Variants in ADGRD1 observed in about 807,000 individuals in gnomAD.
The protein encoded by ADGRD1 is adhesion G protein-coupled receptor D1.
ADGRD1 carries 77 observed loss-of-function variants against 113.4 expected under a neutral mutation model. That is an observed-to-expected ratio of 0.68 (90% CI 0.57 to 0.82). The LOEUF (loss-of-function observed/expected upper bound fraction) is 0.82, where lower values mean the gene tolerates loss of function less well. Ranked by LOEUF, ADGRD1 falls within the 40% of genes least tolerant of loss-of-function variation. The pLI is 0.00. For missense variants in ADGRD1, 1,036 were observed against 1,139.1 expected (o/e 0.91, Z 1.30); for synonymous variants, 474 against 475.0 (o/e 1.00, Z 0.03).
intron 18 of ADGRD1, among the ~76,000 whole-genome samples, chr12:131,114,559 C>T (rs1950418901): frequency 6.6e-6 from 1 of 151,946 alleles, no homozygotes; most frequent in Non-Finnish European, 1.5e-5. Flanking sequence ...AAGCTGAAGT[C>T]GGGGGGGTCT....
At chr12:131,055,071 A>G (rs973560240) in intron 13 of ADGRD1, among the ~76,000 whole-genome samples, 1 of 152,186 alleles carries the variant, frequency 6.6e-6, no homozygotes, top group Non-Finnish European at 1.5e-5. Context: ...ACTTGGCCAT[A>G]TCTTTTTAGT....
intron 4 of ADGRD1, among the ~76,000 whole-genome samples, chr12:130,979,251 C>T (rs1374944282): frequency 6.6e-6 from 1 of 152,236 alleles, no homozygotes; most frequent in Non-Finnish European, 1.5e-5. Context: ...CGTAGCCTCT[C>T]AGAGGTCCAG....
intron 13 of ADGRD1, chr12:131,023,892 A>G (rs1265694811): frequency 6.6e-6 from 1 of 152,176 alleles, no homozygotes; most frequent in Non-Finnish European, 1.5e-5. Flanking sequence ...TTGAGGGGCA[A>G]TGAAGTGACA....
chr12:131,102,389 C>G (rs970152099), intron 15 of ADGRD1, among the ~76,000 whole-genome samples: 2 of 152,218 alleles, frequency 1.3e-5, no homozygotes, highest in African/African-American at 4.8e-5. Context: ...CAAACATACT[C>G]GGCAGGTGAC....
intron 11 of ADGRD1, among the ~76,000 whole-genome samples, chr12:131,005,556 C>T (rs181211241): frequency 9.9e-5 from 15 of 152,248 alleles, no homozygotes; most frequent in African/African-American, 3.4e-4. Context: ...GGAGGGCAGA[C>T]GGGATGCACT....
intron 8 of ADGRD1, among the ~76,000 whole-genome samples, chr12:130,995,400 T>C (rs949007719): frequency 6.6e-6 from 1 of 152,242 alleles, no homozygotes; most frequent in Admixed American, 6.5e-5. Context: ...CAGGAAACAC[T>C]TTCTTTTTAA....
At chr12:131,008,251 G>A (rs1268919305) in intron 12 of ADGRD1, among the ~76,000 whole-genome samples, 1 of 152,222 alleles carries the variant, frequency 6.6e-6, no homozygotes, top group Non-Finnish European at 1.5e-5. Flanking sequence ...TCAAATCCTG[G>A]GCACGATGAG....
At chr12:130,973,621 T>C (rs544696085) in intron 4 of ADGRD1, among the ~76,000 whole-genome samples, 44 of 152,294 alleles carry the variant, frequency 2.9e-4, no homozygotes, top group Middle Eastern at 3.4e-3. Context: ...CTTGGTCTAA[T>C]CCCAAACATG....
chr12:131,129,118 G>A (rs113482656), intron 20 of ADGRD1, among the ~76,000 whole-genome samples: 6,885 of 102,036 alleles, frequency 0.067, 39 homozygotes, highest in Middle Eastern at 0.085. Context: ...GTGACAGGCC[G>A]GCCCTGCTGT....
rs543553094 is a variant in ADGRD1, at chr12:131,033,191, G to A, written c.1473+18851G>A. Among the ~76,000 whole-genome samples, 10 of 152,240 alleles carry A rather than the reference G, an allele frequency of 6.6e-5. 1 individual carries two copies. The South Asian group carries it at 1.2e-3, about 19-fold the overall frequency. On this transcript the variant is annotated intron_variant, in intron 13 of 24. Coordinates refer to ENST00000261654, the MANE Select transcript of ADGRD1 (RefSeq NM_198827.5). ...CCCTGCCCGAGCTCTTTTTTTGTGCGGGCAGGGCCGTTGGGTGGGTCCCCT... is the reference window on the plus strand; with the variant it reads ...CCCTGCCCGAGCTCTTTTTTTGTGCAGGCAGGGCCGTTGGGTGGGTCCCCT...
chr12:131,133,980 C>T (rs1196414520), intron 21 of ADGRD1, among the ~76,000 whole-genome samples: 1 of 152,196 alleles, frequency 6.6e-6, no homozygotes, highest in African/African-American at 2.4e-5. Flanking sequence ...CCCTGCCACC[C>T]CCCTACCCCA....
intron 15 of ADGRD1, among the ~76,000 whole-genome samples, chr12:131,095,125 C>T (rs7968150): frequency 8.5e-5 from 13 of 152,236 alleles, no homozygotes; most frequent in Admixed American, 7.8e-4. Flanking sequence ...TCAGTCCCCC[C>T]GACTCTCAGG....
intron 13 of ADGRD1, among the ~76,000 whole-genome samples, chr12:131,020,648 C>T (rs2136865768): frequency 6.6e-6 from 1 of 152,354 alleles, no homozygotes; most frequent in African/African-American, 2.4e-5. Context: ...ACATGAAGCC[C>T]TGGGTAAGGC....
intron 20 of ADGRD1, among the ~76,000 whole-genome samples, chr12:131,129,088 G>C (rs868510405): frequency 3.4e-5 from 4 of 117,496 alleles, no homozygotes; most frequent in South Asian, 3.1e-4. Flanking sequence ...TGACAGCCCC[G>C]CCCTGCTGTC....
chr12:131,074,512 G>T (rs1330340098), intron 13 of ADGRD1, among the ~76,000 whole-genome samples: 1 of 152,168 alleles, frequency 6.6e-6, no homozygotes, highest in Non-Finnish European at 1.5e-5. Context: ...CCTCACCCAG[G>T]CCTCAGGGAG....
At chr12:130,964,233 T>A (rs1007615270) in intron 2 of ADGRD1, among the ~76,000 whole-genome samples, 4 of 151,994 alleles carry the variant, frequency 2.6e-5, no homozygotes, top group African/African-American at 4.8e-5. Flanking sequence ...CAGAAAACTT[T>A]GTTTTCTGAT....
At chr12:131,112,917 G>A (rs1219099695) in intron 18 of ADGRD1, among the ~76,000 whole-genome samples, 1 of 152,240 alleles carries the variant, frequency 6.6e-6, no homozygotes, top group Non-Finnish European at 1.5e-5. Context: ...GTTGGAGGAG[G>A]AAGGGAGTCC....
At chr12:131,031,040 C>A (rs1880665107) in intron 13 of ADGRD1, among the ~76,000 whole-genome samples, 1 of 152,182 alleles carries the variant, frequency 6.6e-6, no homozygotes, top group South Asian at 2.1e-4. Context: ...TCTGAACAGG[C>A]CACATGGGAG....
rs1879395531 is a variant in ADGRD1 at position 131,022,121 on chromosome 12, T to C, written c.1473+7781T>C. 6.6e-6 allele frequency among the ~76,000 whole-genome samples: 1 copy of C among 152,068 alleles called. No individual in the cohort carries two copies. Among genetic ancestry groups the C allele is most frequent in the Non-Finnish European group, 1.5e-5 (1 of 68,028 alleles). The stretch of plus-strand genomic sequence containing the variant: ...CTCCAAACACTGTCACATTCTGAGG[T>C]CTTGGGGGTTAGGGCTTCAACAGGT... On this transcript the variant is annotated intron_variant, in intron 13 of 24. Coordinates refer to ENST00000261654, the MANE Select transcript of ADGRD1 (RefSeq NM_198827.5). The surrounding 1 kb of genome is among the most constrained non-coding windows in gnomAD (Gnocchi z 4.6).
Sources: gnomAD v4.1 joint callset for allele counts (sites outside exome capture counted in the v4.1 genomes callset) on GRCh38, gnomAD v4.1.1 for gene constraint, Gnocchi (gnomAD v3.1) non-coding constraint, MANE v1.5 for transcripts, NCBI Gene and HGNC (gene_info 2026-07-23, HGNC 2026-07-21) for gene names.